DAPK2: variants seen among roughly 807,000 people sequenced by gnomAD.
The protein encoded by DAPK2 is death associated protein kinase 2.
DAPK2 carries 35 observed loss-of-function variants against 44.1 expected under a neutral mutation model. The ratio of observed to expected loss-of-function variants is 0.79; its 90% CI spans 0.61 to 1.05. The LOEUF is 1.05. DAPK2 is among the 50% of genes least tolerant of loss of function. The pLI, the probability that DAPK2 is intolerant of heterozygous loss-of-function variation, is 0.00. For missense variants in DAPK2, 453 were observed against 483.2 expected (o/e 0.94, Z 0.59); for synonymous variants, 174 against 182.6 (o/e 0.95, Z 0.38).
intron 3 of DAPK2, among the ~76,000 whole-genome samples, chr15:63,968,681 G>A (rs2078123322): frequency 6.6e-6 from 1 of 152,198 alleles, no homozygotes; most frequent in African/African-American, 2.4e-5. Flanking sequence ...AGCTCTGCCA[G>A]GTAGGTATTA....
At position 63,939,585 on chromosome 15, in the gene DAPK2, C is replaced by T. The variant is rs577538091; in HGVS notation, c.454-224G>A. On this transcript the variant is annotated intron_variant, in intron 3 of 10. Transcript: ENST00000261891. The surrounding 1 kb of genome is among the most constrained non-coding windows in gnomAD (Gnocchi z 4.3). ...CATTGAGGGCAAGGCCTGGGTTTTA[C>T]CAAACCTTCTGCTCACAGCAGAACT... Among the ~76,000 whole-genome samples, 5 of 152,148 alleles carry T rather than the reference C, an allele frequency of 3.3e-5. No homozygotes were observed. Among genetic ancestry groups the T allele is most frequent in the Non-Finnish European group, 7.4e-5 (5 of 68,020 alleles).
chr15:64,043,614 C>T (rs374861011), upstream of DAPK2, among the ~76,000 whole-genome samples: 380 of 152,218 alleles, frequency 2.5e-3, 18 homozygotes, highest in South Asian at 0.075. Flanking sequence ...GGAAGGGGAG[C>T]TTCGGAGGCT....
chr15:64,025,093 G>A (rs1457619550), intron 1 of DAPK2, among the ~76,000 whole-genome samples: 1 of 151,848 alleles, frequency 6.6e-6, no homozygotes, highest in African/African-American at 2.4e-5. Flanking sequence ...TTCTCTGGAG[G>A]GGATCCCAGG....
At chr15:63,907,899 G>A (rs894043369) in exon 11 of DAPK2, 2 of 152,270 alleles carry the variant, frequency 1.3e-5, no homozygotes, top group Non-Finnish European at 2.9e-5. Flanking sequence ...ATGAGATGGG[G>A]GTAGCCCTAA....
Position 64,002,968 on chromosome 15 carries a change from T to G in DAPK2, c.93-19214A>C, listed in dbSNP as rs1412704835. ...TGTGTGTGTGTGTGTGTGTGTGTCG[T>G]GGGACCTGTGTGTGTGTGTGTGTGT... On this transcript the variant is annotated intron_variant, in intron 1 of 10. Coordinates refer to ENST00000261891, the Ensembl canonical transcript of DAPK2. Among the ~76,000 whole-genome samples the G allele has an allele frequency of 1.6e-3, 62 of 38,934 alleles. 1 individual carries two copies. The highest frequency in any genetic ancestry group is 2.2e-3 in the East Asian group (1 of 454). The allele number at this position is 38,934 out of a possible 152,430, so 25.5% of individuals were successfully genotyped here.
At chr15:63,911,771 G>T in intron 10 of DAPK2, 137 bp downstream of exon 11, 1 of 845,486 alleles carries the variant, frequency 1.2e-6, no homozygotes, top group Non-Finnish European at 1.9e-6. Context: ...CTTCAGGGAA[G>T]AGGAGGACTG....
chr15:63,955,389 C>T (rs1187116880), intron 3 of DAPK2, among the ~76,000 whole-genome samples: 4 of 152,030 alleles, frequency 2.6e-5, no homozygotes, highest in Non-Finnish European at 5.9e-5. Context: ...TGTTTTTTTC[C>T]TTAACTCTGT....
intron 1 of DAPK2, among the ~76,000 whole-genome samples, chr15:63,996,861 G>T (rs113261533): frequency 0.015 from 2,294 of 152,264 alleles, 59 homozygotes; most frequent in African/African-American, 0.053. Flanking sequence ...TCACAGGAAT[G>T]AAATGGTGCC....
rs3222873 is a variant in DAPK2 at position 63,925,678 on chromosome 15, GCACACACACACACA to G, written c.812+249_812+262del. Among the ~76,000 whole-genome samples, 242 of 138,544 alleles carry G rather than the reference GCACACACACACACA, an allele frequency of 1.7e-3. 2 individuals carry two copies. Among genetic ancestry groups the G allele is most frequent in the South Asian group, 3.0e-3 (13 of 4,276 alleles). 90.9% of individuals were successfully genotyped at this position (138,544 alleles called of 152,430 possible). ...AAAGAAACCCAGGCTGACTTGTAGC[GCACACACACACACA>G]CACACACACACACACACACACACAC... On this transcript the variant is annotated intron_variant, in intron 7 of 10. Transcript: ENST00000261891.
intron 1 of DAPK2, among the ~76,000 whole-genome samples, chr15:63,984,730 C>T (rs2078623924): frequency 6.6e-6 from 1 of 152,186 alleles, no homozygotes; most frequent in Non-Finnish European, 1.5e-5. Context: ...TCTGGTTCAG[C>T]TTAATGGCTC....
rs778662437 is a variant in DAPK2 at position 63,912,488 on chromosome 15, A to G, written c.859-291T>C. 6.6e-6 allele frequency among the ~76,000 whole-genome samples: 1 copy of G among 152,252 alleles called. No homozygotes were observed. Among genetic ancestry groups the G allele is most frequent in the Non-Finnish European group, 1.5e-5 (1 of 68,042 alleles). On this transcript the variant is annotated intron_variant, in intron 8 of 10. Coordinates refer to ENST00000261891, the Ensembl canonical transcript of DAPK2. The surrounding 1 kb of genome is among the most constrained non-coding windows in gnomAD (Gnocchi z 4.4). ...GGAATAGCAGGAGGCAGGCCCTCCA[A>G]TCGCACATCACTTTGGGGAGAGGGT...
chr15:64,035,238 T>C (rs2080146574), intron 1 of DAPK2, among the ~76,000 whole-genome samples: 1 of 152,174 alleles, frequency 6.6e-6, no homozygotes, highest in Admixed American at 6.5e-5. Flanking sequence ...CTCTTCATTA[T>C]ATGCTGCTTA....
chr15:63,994,410 AAAGGAAGGAAGGAAGGAAGGAAGGAAGG>A (rs56254515), intron 1 of DAPK2, among the ~76,000 whole-genome samples: 362 of 141,820 alleles, frequency 2.6e-3, no homozygotes, highest in African/African-American at 7.6e-3. Flanking sequence ...TGTTAAAAGA[AAAGGAAGGAAGGAAGGAAGGAAGGAAGG>A]AAGGAAGGAA....
intron 8 of DAPK2, among the ~76,000 whole-genome samples, chr15:63,913,013 A>G (rs2078836733): frequency 1.3e-5 from 2 of 152,212 alleles, no homozygotes; most frequent in South Asian, 4.1e-4. Context: ...TATTAGTCAG[A>G]AATACTATTC....
intron 3 of DAPK2, among the ~76,000 whole-genome samples, chr15:63,951,322 C>T (rs1473741755): frequency 6.6e-6 from 1 of 152,124 alleles, no homozygotes; most frequent in African/African-American, 2.4e-5. Flanking sequence ...CAAGGGGGTG[C>T]GGTTCCTGGG....
At chr15:63,983,036 T>A (rs2078567126) in intron 2 of DAPK2, among the ~76,000 whole-genome samples, 1 of 152,162 alleles carries the variant, frequency 6.6e-6, no homozygotes, top group South Asian at 2.1e-4. Flanking sequence ...ATTATAACAA[T>A]AAAGGTGTCA....
chr15:64,014,803 C>G (rs2141039810), intron 1 of DAPK2, among the ~76,000 whole-genome samples: 1 of 152,142 alleles, frequency 6.6e-6, no homozygotes, highest in South Asian at 2.1e-4. Context: ...ACCTGTAATC[C>G]CAGCTATTTG....
At chr15:64,032,244 T>C (rs1703031055) in intron 1 of DAPK2, among the ~76,000 whole-genome samples, 1 of 152,196 alleles carries the variant, frequency 6.6e-6, no homozygotes, top group African/African-American at 2.4e-5. Flanking sequence ...GAATTAAATC[T>C]GACAGAAGGG....
At chr15:63,942,377 C>T (rs920151511) in intron 3 of DAPK2, 3 of 231,062 alleles carry the variant, frequency 1.3e-5, no homozygotes, top group Non-Finnish European at 1.4e-5. Flanking sequence ...CATGGTGAAA[C>T]CCCATCTCTA....
Sources: gnomAD v4.1 joint callset for allele counts (sites outside exome capture counted in the v4.1 genomes callset) on GRCh38, gnomAD v4.1.1 for gene constraint, Gnocchi (gnomAD v3.1) non-coding constraint, MANE v1.5 for transcripts, NCBI Gene and HGNC (gene_info 2026-07-23, HGNC 2026-07-21) for gene names.